The following STK32B variants were observed in gnomAD, a reference collection of about 807,000 sequenced individuals.
STK32B encodes serine/threonine kinase 32B, also known as serine/threonine-protein kinase 32B.
STK32B carries 43 observed loss-of-function variants against 52.6 expected under a neutral mutation model. The observed-to-expected ratio is 0.82, with a 90% confidence interval of 0.64 to 1.05. The LOEUF is 1.05. STK32B is among the 50% of genes least tolerant of loss of function. The probability of loss-of-function intolerance (pLI) is 0.00; values close to 1 mark genes in which losing one functional copy is unlikely to be tolerated. For missense variants in STK32B, 621 were observed against 534.6 expected (o/e 1.16, Z -1.59); for synonymous variants, 238 against 204.3 (o/e 1.17, Z -1.41).
chr4:5,064,557 A>T (rs1361722963), intron 1 of STK32B, among the ~76,000 whole-genome samples: 1 of 43,412 alleles, frequency 2.3e-5, no homozygotes, highest in South Asian at 7.8e-4. Context: ...ATACTTATAT[A>T]CATATATAAT....
chr4:5,317,186 A>G (rs1342167646), intron 3 of STK32B, among the ~76,000 whole-genome samples: 1 of 54,684 alleles, frequency 1.8e-5, no homozygotes, highest in Non-Finnish European at 2.6e-5. Context: ...TAATATATAT[A>G]TATAACATAT....
intron 1 of STK32B, among the ~76,000 whole-genome samples, chr4:5,068,682 C>T (rs1230623709): frequency 6.6e-6 from 1 of 152,076 alleles, no homozygotes; most frequent in African/African-American, 2.4e-5. Context: ...TGTGTACTAC[C>T]TGTACTATTG....
At chr4:5,141,667 A>ACCC (rs1230124294) in intron 2 of STK32B, among the ~76,000 whole-genome samples, 1 of 152,132 alleles carries the variant, frequency 6.6e-6, no homozygotes, top group Admixed American at 6.6e-5. Context: ...CCTGGGGCAC[A>ACCC]TGGCAGTGCT....
At chr4:5,489,366 G>C (rs922044375) in intron 11 of STK32B, among the ~76,000 whole-genome samples, 13 of 152,080 alleles carry the variant, frequency 8.5e-5, no homozygotes, top group Non-Finnish European at 1.9e-4. Flanking sequence ...TTAAATGCAT[G>C]GTTTCCTGTC....
At chr4:5,474,361 T>C (rs1014491714) in intron 11 of STK32B, among the ~76,000 whole-genome samples, 1 of 152,210 alleles carries the variant, frequency 6.6e-6, no homozygotes, top group Non-Finnish European at 1.5e-5. Flanking sequence ...CTCCAGCCTC[T>C]CTGAGCCTCG....
At chr4:5,026,035 T>C in the STK32B span, among the ~76,000 whole-genome samples, 1 of 152,202 alleles carries the variant, frequency 6.6e-6, no homozygotes, top group Non-Finnish European at 1.5e-5. Flanking sequence ...TCCCTCCCAG[T>C]GCAGACCTTA....
intron 3 of STK32B, among the ~76,000 whole-genome samples, chr4:5,248,902 A>G (rs1464354837): frequency 1.3e-5 from 2 of 151,014 alleles, no homozygotes; most frequent in Non-Finnish European, 2.9e-5. Context: ...AGGAAGGGGA[A>G]CATCACACAC....
At chr4:5,489,278 ATCATT>A (rs1719488237) in intron 11 of STK32B, among the ~76,000 whole-genome samples, 1 of 147,756 alleles carries the variant, frequency 6.8e-6, no homozygotes, top group South Asian at 2.1e-4. Context: ...AAAGCTAATC[ATCATT>A]TCAAGTTTTT....
the STK32B span, among the ~76,000 whole-genome samples, chr4:5,042,029 CATAA>C: frequency 6.6e-6 from 1 of 152,126 alleles, no homozygotes; most frequent in South Asian, 2.1e-4. Flanking sequence ...GATCGTGTTA[CATAA>C]AATTAAATGT....
intron 4 of STK32B, among the ~76,000 whole-genome samples, chr4:5,383,216 C>T (rs951407702): frequency 9.9e-5 from 15 of 152,068 alleles, no homozygotes; most frequent in Admixed American, 2.6e-4. Flanking sequence ...GTGCCCACCG[C>T]GCCAGCTTGT....
intron 3 of STK32B, among the ~76,000 whole-genome samples, chr4:5,302,510 C>T (rs1729631325): frequency 6.6e-6 from 1 of 151,934 alleles, no homozygotes; most frequent in African/African-American, 2.4e-5. Context: ...TAGTTTGTAC[C>T]AAAATTTATT....
chr4:5,480,060 T>C (rs549377870), intron 11 of STK32B, among the ~76,000 whole-genome samples: 12 of 152,332 alleles, frequency 7.9e-5, no homozygotes, highest in African/African-American at 2.6e-4. Context: ...ATGGCACACA[T>C]GTTAAGCATT....
chr4:5,327,136 G>C (rs1731932146), intron 3 of STK32B, among the ~76,000 whole-genome samples: 1 of 151,866 alleles, frequency 6.6e-6, no homozygotes, highest in African/African-American at 2.4e-5. Context: ...CACATTTTCA[G>C]GTTCCACTTC....
chr4:5,301,093 G>A (rs527764960), intron 3 of STK32B, among the ~76,000 whole-genome samples: 201 of 151,878 alleles, frequency 1.3e-3, no homozygotes, highest in South Asian at 9.2e-3. Flanking sequence ...ACTGATTTTC[G>A]TATGTTAGAC....
intron 2 of STK32B, among the ~76,000 whole-genome samples, 158 bp from the exon 3 acceptor site, chr4:5,168,141 A>G (rs1009586448): frequency 6.6e-6 from 1 of 152,130 alleles, no homozygotes; most frequent in South Asian, 2.1e-4. Context: ...CTGCAGATGC[A>G]GAGAGGTTGT....
At chr4:5,124,524 G>A (rs376579415) in intron 1 of STK32B, among the ~76,000 whole-genome samples, 6 of 152,274 alleles carry the variant, frequency 3.9e-5, no homozygotes, top group East Asian at 1.9e-4. Context: ...CTGGAATAGA[G>A]CCACATCCTC....
intron 11 of STK32B, among the ~76,000 whole-genome samples, chr4:5,475,197 G>A (rs371017872): frequency 2.8e-4 from 43 of 151,994 alleles, no homozygotes; most frequent in East Asian, 1.4e-3. Context: ...TGAGGCTGGC[G>A]AATCACGAGG....
At chr4:5,100,518 T>C (rs1342438157) in intron 1 of STK32B, among the ~76,000 whole-genome samples, 3 of 50,500 alleles carry the variant, frequency 5.9e-5, no homozygotes, top group Non-Finnish European at 1.4e-4. Context: ...CTTCTCTCCT[T>C]CTTCTCTCTT....
chr4:5,029,932 G>C, the STK32B span, among the ~76,000 whole-genome samples: 41 of 152,318 alleles, frequency 2.7e-4, no homozygotes, highest in East Asian at 7.5e-3. Context: ...TCTCATGATA[G>C]TGAATGAGTT....
Sources: allele counts gnomAD v4.1 joint callset (sites outside exome capture counted in the v4.1 genomes callset), GRCh38; gene constraint gnomAD v4.1.1; transcripts MANE v1.5; gene names NCBI Gene and HGNC (gene_info 2026-07-23, HGNC 2026-07-21).